The following SHISA9 variants were observed in gnomAD, a reference collection of about 807,000 sequenced individuals.
SHISA9 encodes shisa family member 9.
A neutral mutation model predicts 38.0 loss-of-function variants in SHISA9; 13 were observed. That is an observed-to-expected ratio of 0.34 (90% CI 0.22 to 0.54). SHISA9 has a LOEUF of 0.54. Among genes scored for constraint, SHISA9 ranks in the 20% least tolerant of loss-of-function variants. The pLI is 0.91. For synonymous variants in SHISA9, 275 were observed against 242.0 expected, an observed-to-expected ratio of 1.14 and a Z score of -1.27; for missense variants, 538 against 575.8, an observed-to-expected ratio of 0.93 and a Z score of 0.67.
At chr16:13,250,540 T>A in the SHISA9 span, among the ~76,000 whole-genome samples, 1 of 152,174 alleles carries the variant, frequency 6.6e-6, no homozygotes, top group Non-Finnish European at 1.5e-5. Flanking sequence ...GAGGTTGCAT[T>A]CAGTGATTTT....
intron 2 of SHISA9, among the ~76,000 whole-genome samples, chr16:13,013,380 A>G (rs2072702392): frequency 6.6e-6 from 1 of 152,092 alleles, no homozygotes; most frequent in South Asian, 2.1e-4. Flanking sequence ...TTTGTCTGTG[A>G]TATTCAGAGC....
At chr16:13,101,448 GAAAC>G (rs1223912960) in intron 2 of SHISA9, among the ~76,000 whole-genome samples, 1 of 152,102 alleles carries the variant, frequency 6.6e-6, no homozygotes. Context: ...ATATATACTG[GAAAC>G]AAACATACAT....
rs117532451 is a variant in SHISA9, at chr16:13,163,809, C to T, written c.692-39585C>T. Among the ~76,000 whole-genome samples the T allele has an allele frequency of 2.8e-3, 432 of 152,070 alleles. 1 individual carries two copies. The highest frequency in any genetic ancestry group is 8.7e-3 in the East Asian group (45 of 5,190). On this transcript the variant is annotated intron_variant, in intron 2 of 4. Transcript: ENST00000558583. ...CCATTACTATGTTATGCAAATACAA[C>T]GGAGTTTGGTATGTTAACCTTGTGT...
intron 2 of SHISA9, among the ~76,000 whole-genome samples, chr16:13,121,673 C>G (rs1025779779): frequency 6.6e-6 from 1 of 151,934 alleles, no homozygotes; most frequent in African/African-American, 2.4e-5. Context: ...TGCAAGCATC[C>G]ACACCAAACT....
chr16:13,365,012 C>T, the SHISA9 span, among the ~76,000 whole-genome samples: 1 of 152,082 alleles, frequency 6.6e-6, no homozygotes, highest in South Asian at 2.1e-4. Context: ...GACCTAGGGA[C>T]ACCACAAGTC....
intron 2 of SHISA9, among the ~76,000 whole-genome samples, chr16:13,086,379 G>C (rs929317412): frequency 2.1e-4 from 29 of 136,000 alleles, no homozygotes; most frequent in African/African-American, 8.2e-4. Flanking sequence ...AAAAAAAGAA[G>C]AAGAATATTG....
chr16:13,279,750 G>C, the SHISA9 span, among the ~76,000 whole-genome samples: 3 of 151,800 alleles, frequency 2.0e-5, no homozygotes, highest in African/African-American at 7.2e-5. Flanking sequence ...TCTCCCTGTG[G>C]TCATGTCAGT....
intron 2 of SHISA9, among the ~76,000 whole-genome samples, chr16:13,187,125 A>G (rs1427506407): frequency 1.3e-5 from 2 of 152,020 alleles, no homozygotes; most frequent in African/African-American, 4.8e-5. Flanking sequence ...CGTTTCCCCC[A>G]TTCCATGTGC....
intron 4 of SHISA9, 26 bp downstream of exon 4, chr16:13,213,326 T>C: frequency 6.5e-7 from 1 of 1,549,542 alleles, no homozygotes; most frequent in Non-Finnish European, 8.7e-7. Flanking sequence ...TTCTAGCTCT[T>C]TTGTCCAGGT....
rs78092848 is a variant in SHISA9, at chr16:13,061,651, A to G, written c.692-141743A>G. Among the ~76,000 whole-genome samples the G allele has an allele frequency of 8.0e-3, 1,217 of 152,330 alleles. 16 individuals are homozygous for G. Among genetic ancestry groups the G allele is most frequent in the African/African-American group, 0.028 (1,148 of 41,570 alleles). On this transcript the variant is annotated intron_variant, in intron 2 of 4. Coordinates refer to ENST00000558583, the MANE Select transcript of SHISA9 (RefSeq NM_001145204.3). ...TGCTGGAGATACAGATGGACCAAAC[A>G]GGTATAGCTCCTGCCCTCTGGAGCT...
the SHISA9 span, among the ~76,000 whole-genome samples, chr16:13,446,462 TGAGTTCAGTGAGGCCAATAAA>T: frequency 6.6e-6 from 1 of 152,142 alleles, no homozygotes; most frequent in Non-Finnish European, 1.5e-5. Flanking sequence ...TTTGGTATTA[TGAGTTCAGTGAGGCCAATAAA>T]GCAGGGTCAG....
chr16:13,300,830 C>G, the SHISA9 span, among the ~76,000 whole-genome samples: 3 of 113,508 alleles, frequency 2.6e-5, no homozygotes, highest in East Asian at 2.5e-4. Flanking sequence ...AAATCTCCCC[C>G]CTCCCCTCCC....
chr16:13,261,823 C>A, the SHISA9 span, among the ~76,000 whole-genome samples: 1 of 152,092 alleles, frequency 6.6e-6, no homozygotes, highest in Non-Finnish European at 1.5e-5. Flanking sequence ...ACAAAGAAAA[C>A]TGAGATAGGA....
chr16:13,547,964 T>C, the SHISA9 span, among the ~76,000 whole-genome samples: 4 of 152,130 alleles, frequency 2.6e-5, no homozygotes, highest in East Asian at 7.7e-4. Context: ...GACTTCAAAA[T>C]ACATTACAAG....
At chr16:13,542,035 A>G in the SHISA9 span, among the ~76,000 whole-genome samples, 3 of 152,176 alleles carry the variant, frequency 2.0e-5, no homozygotes, top group African/African-American at 7.2e-5. Flanking sequence ...CCCAGTGAAT[A>G]TCCTCATAAG....
chr16:13,222,081 A>C (rs1172015442), intron 4 of SHISA9, among the ~76,000 whole-genome samples: 2 of 152,188 alleles, frequency 1.3e-5, no homozygotes, highest in African/African-American at 2.4e-5. Context: ...GAGTGTGTGC[A>C]GGGGAACTCC....
chr16:13,206,166 T>A (rs2051061885), intron 3 of SHISA9, among the ~76,000 whole-genome samples: 1 of 152,310 alleles, frequency 6.6e-6, no homozygotes, highest in South Asian at 2.1e-4. Flanking sequence ...CAATTCACTT[T>A]GAGTGGAATC....
At chr16:12,951,543 C>G (rs1293628732) in intron 2 of SHISA9, among the ~76,000 whole-genome samples, 1 of 152,050 alleles carries the variant, frequency 6.6e-6, no homozygotes, top group East Asian at 1.9e-4. Context: ...GGATTTGGCC[C>G]ATGGACTGTA....
the SHISA9 span, among the ~76,000 whole-genome samples, chr16:13,469,365 AAAAGAAAG>A: frequency 0.027 from 1,761 of 64,136 alleles, 48 homozygotes; most frequent in Non-Finnish European, 0.035. Context: ...AAAGAAAAGA[AAAAGAAAG>A]AAAGAAAGAA....
Sources: gnomAD v4.1 joint callset for allele counts (sites outside exome capture counted in the v4.1 genomes callset) on GRCh38, gnomAD v4.1.1 for gene constraint, MANE v1.5 for transcripts, NCBI Gene and HGNC (gene_info 2026-07-23, HGNC 2026-07-21) for gene names.